Variants in IGSF9B observed in about 807,000 individuals in gnomAD.
IGSF9B encodes protein turtle homolog B.
A neutral mutation model predicts 143.7 loss-of-function variants in IGSF9B; 48 were observed. That is an observed-to-expected ratio of 0.33 (90% CI 0.26 to 0.42). IGSF9B has a LOEUF of 0.42. Among genes scored for constraint, IGSF9B ranks in the 20% least tolerant of loss-of-function variants. The pLI, the probability that IGSF9B is intolerant of heterozygous loss-of-function variation, is 1.00. For synonymous variants in IGSF9B, 903 were observed against 833.1 expected (o/e 1.08, Z -1.44); for missense variants, 1,706 against 1,980.0 (o/e 0.86, Z 2.63).
chr11:133,930,531 C>T (rs774685780), intron 11 of IGSF9B, among the ~76,000 whole-genome samples: 7 of 152,194 alleles, frequency 4.6e-5, no homozygotes, highest in African/African-American at 9.6e-5. Flanking sequence ...GAAACGGGAA[C>T]GCCCAGACAC....
chr11:133,954,642 G>A (rs185841372), intron 1 of IGSF9B, among the ~76,000 whole-genome samples: 1 of 152,264 alleles, frequency 6.6e-6, no homozygotes, highest in East Asian at 1.9e-4. Flanking sequence ...ATTTTCTATT[G>A]AAGCAAGTGA....
intron 18 of IGSF9B, chr11:133,912,295 C>T (rs1475733616): frequency 1.7e-6 from 1 of 575,036 alleles, no homozygotes; most frequent in Non-Finnish European, 3.3e-6. Flanking sequence ...TAGTAAGCAC[C>T]TTCCCATGTA....
rs549784157 is a variant in IGSF9B, at chr11:133,904,856, A to G, written c.*4213T>C. 6.6e-6 allele frequency among the ~76,000 whole-genome samples: 1 copy of G among 150,458 alleles called. No homozygotes were observed. The highest frequency in any genetic ancestry group is 1.5e-5 in the Non-Finnish European group (1 of 67,744). The stretch of plus-strand genomic sequence containing the variant: ...CTCCTGAAACACCAGTGCCCCATCC[A>G]TTACCCTAGTCAATCTAGAGCTGGC... On this transcript the variant is annotated 3_prime_UTR_variant, in exon 20 of 20. Transcript: ENST00000533871.
chr11:133,927,238 A>G, intron 12 of IGSF9B, 147 bp from the exon 13 acceptor site: 1 of 662,338 alleles, frequency 1.5e-6, no homozygotes, highest in Non-Finnish European at 2.6e-6. Flanking sequence ...CATGGCCCAG[A>G]GTGGATGCCC....
rs1321455572 is a variant in IGSF9B, at chr11:133,905,587, C to G, written c.*3482G>C. On this transcript the variant is annotated 3_prime_UTR_variant, in exon 20 of 20. Transcript: ENST00000533871. The surrounding 1 kb of genome is among the most constrained non-coding windows in gnomAD (Gnocchi z 4.0). ...GAAATACTCGGCTCAATCCACCCGG[C>G]TTCAGTCTTCCCCCAAGCGCATGGT... Among the ~76,000 whole-genome samples the G allele has an allele frequency of 1.3e-5, 2 of 152,252 alleles. No individual in the cohort carries two copies. The highest frequency in any genetic ancestry group is 2.9e-5 in the Non-Finnish European group (2 of 68,048).
intron 18 of IGSF9B, chr11:133,912,423 G>A (rs967294316): frequency 2.2e-6 from 1 of 454,904 alleles, no homozygotes; most frequent in Non-Finnish European, 4.4e-6. Flanking sequence ...TTAGAGCAGG[G>A]GGCAAGCAGC....
Position 133,913,669 on chromosome 11 carries a change from C to T in IGSF9B, c.3984-1662G>A, listed in dbSNP as rs1939334898. Among the ~76,000 whole-genome samples the T allele has an allele frequency of 6.6e-6, 1 of 152,192 alleles. No homozygotes were observed. Among genetic ancestry groups the T allele is most frequent in the Non-Finnish European group, 1.5e-5 (1 of 68,038 alleles). ...ACACAGCCCTCTTGTGAAGAAGTGG[C>T]CAAACATGCCAGTCTACCCAGAGAG... On this transcript the variant is annotated intron_variant, in intron 18 of 19. Coordinates refer to ENST00000533871, the MANE Select transcript of IGSF9B (RefSeq NM_001277285.4). The surrounding 1 kb of genome is among the most constrained non-coding windows in gnomAD (Gnocchi z 4.6).
chr11:133,929,412 C>G (rs997666561), intron 12 of IGSF9B, among the ~76,000 whole-genome samples: 1 of 152,218 alleles, frequency 6.6e-6, no homozygotes, highest in Admixed American at 6.5e-5. Context: ...CGAGGCAGCA[C>G]GTGAGCAGGG....
chr11:133,938,379 G>A (rs1939864439), intron 3 of IGSF9B, among the ~76,000 whole-genome samples: 2 of 152,264 alleles, frequency 1.3e-5, no homozygotes, highest in Middle Eastern at 3.4e-3. Flanking sequence ...TGCCGTCGGA[G>A]CCCTACCAAG....
At chr11:133,915,884 G>A (rs944631479) in intron 18 of IGSF9B, among the ~76,000 whole-genome samples, 4 of 152,178 alleles carry the variant, frequency 2.6e-5, no homozygotes, top group African/African-American at 9.7e-5. Context: ...GCCACTCATA[G>A]ACGGGCCATA....
chr11:133,912,288 T>G, intron 18 of IGSF9B: 1 of 590,964 alleles, frequency 1.7e-6, no homozygotes, highest in South Asian at 1.5e-5. Context: ...ATTTTAATAG[T>G]AAGCACCTTC....
At position 133,904,334 on chromosome 11, in the gene IGSF9B, G is replaced by A. The variant is rs1001938046; in HGVS notation, c.*4735C>T. On this transcript the variant is annotated 3_prime_UTR_variant, in exon 20 of 20. Transcript: ENST00000533871. ...GCTGGTGATAGGATGGGCATCTCAA[G>A]ACAAGTTTCTCAGCTTTGGGCCTGA... Among the ~76,000 whole-genome samples, 4 of 152,204 alleles carry A rather than the reference G, an allele frequency of 2.6e-5. No homozygotes were observed. Among genetic ancestry groups the A allele is most frequent in the African/African-American group, 7.2e-5 (3 of 41,462 alleles).
At chr11:133,924,769 C>A in intron 15 of IGSF9B, 51 bp downstream of exon 15, 1 of 1,457,322 alleles carries the variant, frequency 6.9e-7, no homozygotes, top group East Asian at 2.3e-5. Context: ...CCCCATGCAG[C>A]TCTGGGGCTT....
At chr11:133,937,685 A>T in intron 4 of IGSF9B, 125 bp downstream of exon 4, 1 of 1,260,414 alleles carries the variant, frequency 7.9e-7, no homozygotes, top group Non-Finnish European at 1.1e-6. Flanking sequence ...CAGCTGAGCC[A>T]GGCTACGGCT....
rs759147359 is a variant in IGSF9B at position 133,902,117 on chromosome 11, CCA to C, written c.*6950_*6951del. Among the ~76,000 whole-genome samples the C allele has an allele frequency of 2.7e-4, 41 of 149,756 alleles. No homozygotes were observed. Among genetic ancestry groups the C allele is most frequent in the African/African-American group, 6.4e-4 (26 of 40,644 alleles). On this transcript the variant is annotated 3_prime_UTR_variant, in exon 20 of 20. Transcript: ENST00000533871. Reference sequence around the variant, plus strand: ...ACAAAACACATAGCACACACACACACCACACACAGTCCATGTACCACACCAAA... The same window carrying C: ...ACAAAACACATAGCACACACACACACCACACAGTCCATGTACCACACCAAA...
At chr11:133,914,185 C>A (rs1171636836) in intron 18 of IGSF9B, among the ~76,000 whole-genome samples, 2 of 152,152 alleles carry the variant, frequency 1.3e-5, no homozygotes, top group African/African-American at 4.8e-5. Flanking sequence ...ATCTCTACAG[C>A]AAACCTAAGA....
rs969695900 is a variant in IGSF9B, at chr11:133,948,189, G to A, written c.65-1931C>T. On this transcript the variant is annotated intron_variant, in intron 1 of 19. Transcript: ENST00000533871. The surrounding 1 kb of genome is among the most constrained non-coding windows in gnomAD (Gnocchi z 4.7). Reference sequence around the variant, plus strand: ...TGCATGTATGTACTTCTGTGTCTGTGGCTCTCCGTGTCTGTCTGTATGTCA... The same window carrying A: ...TGCATGTATGTACTTCTGTGTCTGTAGCTCTCCGTGTCTGTCTGTATGTCA... 1.3e-5 allele frequency among the ~76,000 whole-genome samples: 2 copies of A among 151,902 alleles called. No individual in the cohort carries two copies. Among genetic ancestry groups the A allele is most frequent in the African/African-American group, 4.8e-5 (2 of 41,318 alleles).
Position 133,931,700 on chromosome 11 carries a change from A to G in IGSF9B, c.1206T>C (p.Thr402=), listed in dbSNP as rs1038326422. The G allele has an allele frequency of 6.2e-7, 1 of 1,612,168 alleles. No homozygotes were observed. Among genetic ancestry groups the G allele is most frequent in the African/African-American group, 1.3e-5 (1 of 74,796 alleles). The change falls in exon 9 of 20, where the codon ACT becomes ACC. Residue 402 remains threonine, a synonymous_variant. Coordinates refer to ENST00000533871, the MANE Select transcript of IGSF9B (RefSeq NM_001277285.4). This position sits in a 1 kb window ranked among gnomAD's most constrained non-coding sequence, Gnocchi z 7.7. The stretch of plus-strand genomic sequence containing the variant: ...GGGCAGACTGGCCCATGGTCCCCAG[A>G]GTGTTGTAAGGCACACAGGTATAAG... The part of the protein sequence containing the change: ...LGTYTCVPYN[T]LGTMGQSAPA...
chr11:133,927,698 C>T (rs953303222), intron 12 of IGSF9B, among the ~76,000 whole-genome samples: 1 of 152,148 alleles, frequency 6.6e-6, no homozygotes, highest in South Asian at 2.1e-4. Context: ...AGTAGGAAGA[C>T]GGGCCGAGGG....
Sources: allele counts gnomAD v4.1 joint callset (sites outside exome capture counted in the v4.1 genomes callset), GRCh38; gene constraint gnomAD v4.1.1; non-coding constraint Gnocchi (gnomAD v3.1); transcripts MANE v1.5; gene names NCBI Gene and HGNC (gene_info 2026-07-23, HGNC 2026-07-21).